Variants in ZNF892 observed in about 807,000 individuals in gnomAD.
The protein encoded by ZNF892 is zinc finger protein 570-like.
the ZNF892 span, among the ~76,000 whole-genome samples, chr2:95,239,536 C>G: frequency 6.6e-6 from 1 of 152,144 alleles, no homozygotes; most frequent in Non-Finnish European, 1.5e-5. Context: ...CTTCAGAAAC[C>G]ACCGACCTGA....
At chr2:95,221,983 C>G in the ZNF892 span, among the ~76,000 whole-genome samples, 1 of 152,052 alleles carries the variant, frequency 6.6e-6, no homozygotes, top group Non-Finnish European at 1.5e-5. Flanking sequence ...CTTTCTCTTT[C>G]TTCCTCCCTT....
the ZNF892 span, among the ~76,000 whole-genome samples, chr2:95,246,299 G>A: frequency 2.6e-5 from 4 of 152,228 alleles, 1 homozygote; most frequent in East Asian, 1.9e-4. Context: ...AAAGGCCTTC[G>A]ATAAAATTCA....
the ZNF892 span, among the ~76,000 whole-genome samples, chr2:95,218,924 T>G: frequency 6.6e-6 from 1 of 152,226 alleles, no homozygotes; most frequent in African/African-American, 2.4e-5. Context: ...CATTGAGGGT[T>G]AGGGTGTCAA....
the ZNF892 span, among the ~76,000 whole-genome samples, chr2:95,231,008 T>C: frequency 6.6e-6 from 1 of 152,162 alleles, no homozygotes; most frequent in Non-Finnish European, 1.5e-5. Flanking sequence ...AAGATAAAAA[T>C]GCTACTACCA....
the ZNF892 span, among the ~76,000 whole-genome samples, chr2:95,239,144 GAAAAA>G: frequency 7.9e-6 from 1 of 126,076 alleles, no homozygotes; most frequent in Non-Finnish European, 1.6e-5. Context: ...CGTCTCAAAG[GAAAAA>G]AAAAAAAAAA....
chr2:95,244,817 G>A, the ZNF892 span, among the ~76,000 whole-genome samples: 22 of 152,024 alleles, frequency 1.4e-4, no homozygotes, highest in Admixed American at 3.3e-4. Context: ...AAATGCAAAG[G>A]ACTGAAATAA....
chr2:95,233,741 C>T, the ZNF892 span, among the ~76,000 whole-genome samples: 1 of 141,056 alleles, frequency 7.1e-6, no homozygotes, highest in East Asian at 2.3e-4. Context: ...TTCAAGCAAT[C>T]TCCCTGCCTC....
At chr2:95,251,180 C>T in the ZNF892 span, among the ~76,000 whole-genome samples, 1 of 152,158 alleles carries the variant, frequency 6.6e-6, no homozygotes, top group African/African-American at 2.4e-5. Context: ...TATGAACATA[C>T]AAATGCAAAC....
the ZNF892 span, among the ~76,000 whole-genome samples, chr2:95,245,683 A>G: frequency 6.6e-6 from 1 of 152,068 alleles, no homozygotes. Context: ...GATAAGGGGG[A>G]TATCTTCACT....
At chr2:95,226,499 G>C in the ZNF892 span, among the ~76,000 whole-genome samples, 2 of 152,122 alleles carry the variant, frequency 1.3e-5, no homozygotes, top group African/African-American at 2.4e-5. Flanking sequence ...ACTTTGGTTC[G>C]ACTTAGCTTC....
the ZNF892 span, among the ~76,000 whole-genome samples, chr2:95,224,420 C>T: frequency 6.6e-6 from 1 of 152,118 alleles, no homozygotes; most frequent in Non-Finnish European, 1.5e-5. Context: ...GTTTAATTGG[C>T]TCACGGTTCC....
At chr2:95,246,082 A>G in the ZNF892 span, among the ~76,000 whole-genome samples, 316 of 152,328 alleles carry the variant, frequency 2.1e-3, 1 homozygote, top group Non-Finnish European at 3.0e-3. Flanking sequence ...TTTCAAGCCA[A>G]TTTCCTTGAT....
At chr2:95,245,584 GA>G in the ZNF892 span, among the ~76,000 whole-genome samples, 275 of 126,070 alleles carry the variant, frequency 2.2e-3, 1 homozygote, top group African/African-American at 7.1e-3. Flanking sequence ...CTGGTTTTTT[GA>G]AAAAAAAAAA....
the ZNF892 span, chr2:95,208,793 C>T: frequency 2.5e-6 from 1 of 398,336 alleles, no homozygotes; most frequent in Non-Finnish European, 4.4e-6. Flanking sequence ...GATGTCTTTC[C>T]TTCCAGTGCT....
the ZNF892 span, among the ~76,000 whole-genome samples, chr2:95,233,015 T>A: frequency 1.3e-5 from 2 of 152,118 alleles, no homozygotes; most frequent in African/African-American, 4.8e-5. Flanking sequence ...GGATGTCCTG[T>A]TTCCTGCCTG....
At chr2:95,232,344 A>C in the ZNF892 span, among the ~76,000 whole-genome samples, 1 of 152,206 alleles carries the variant, frequency 6.6e-6, no homozygotes, top group Non-Finnish European at 1.5e-5. Flanking sequence ...TGAATATCCC[A>C]ATTTTTCAGG....
At chr2:95,232,248 A>G in the ZNF892 span, 1 of 152,234 alleles carries the variant, frequency 6.6e-6, no homozygotes, top group Non-Finnish European at 1.5e-5. Context: ...GATTATTCAC[A>G]TGTATTGAGC....
the ZNF892 span, among the ~76,000 whole-genome samples, chr2:95,220,223 G>A: frequency 9.8e-5 from 15 of 152,290 alleles, no homozygotes; most frequent in Non-Finnish European, 2.1e-4. Context: ...TTTGTTGGCG[G>A]GGATAGGACC....
the ZNF892 span, among the ~76,000 whole-genome samples, chr2:95,242,469 G>A: frequency 6.6e-6 from 1 of 152,200 alleles, no homozygotes; most frequent in Non-Finnish European, 1.5e-5. Flanking sequence ...CACCAGGCCT[G>A]CCTTGCAAGA....
Sources: gnomAD v4.1 joint callset for allele counts (sites outside exome capture counted in the v4.1 genomes callset) on GRCh38, gnomAD v4.1.1 for gene constraint, MANE v1.5 for transcripts, NCBI Gene and HGNC (gene_info 2026-07-23, HGNC 2026-07-21) for gene names.